Variants in CDH1 observed in about 807,000 individuals in gnomAD.
CDH1 encodes cadherin-1.
A neutral mutation model predicts 84.5 loss-of-function variants in CDH1; 35 were observed. The ratio of observed to expected loss-of-function variants is 0.41; its 90% confidence interval spans 0.32 to 0.55. The LOEUF is 0.55. CDH1 is among the 20% of genes least tolerant of loss of function. The pLI, the probability that CDH1 is intolerant of heterozygous loss-of-function variation, is 0.19. For synonymous variants in CDH1, 417 were observed against 439.0 expected, an observed-to-expected ratio of 0.95 and a Z score of 0.63; for missense variants, 994 against 1,126.6, an observed-to-expected ratio of 0.88 and a Z score of 1.68.
At chr16:68,796,256 G>C (rs1267250652) in intron 2 of CDH1, among the ~76,000 whole-genome samples, 1 of 152,172 alleles carries the variant, frequency 6.6e-6, no homozygotes, top group East Asian at 1.9e-4. Flanking sequence ...TCCATAATGT[G>C]CCCCTTTGTA....
At chr16:68,797,452 G>T (rs962463540) in intron 2 of CDH1, among the ~76,000 whole-genome samples, 1 of 152,328 alleles carries the variant, frequency 6.6e-6, no homozygotes. Flanking sequence ...GGAGGCCAAA[G>T]CGGGAAGATG....
intron 2 of CDH1, among the ~76,000 whole-genome samples, chr16:68,767,938 T>C (rs577544481): frequency 1.3e-5 from 2 of 151,618 alleles, no homozygotes; most frequent in Admixed American, 6.6e-5. Flanking sequence ...TCTAAAAATA[T>C]GTTATAAAAT....
chr16:68,800,105 C>T (rs1382939312), intron 2 of CDH1, among the ~76,000 whole-genome samples: 3 of 151,300 alleles, frequency 2.0e-5, no homozygotes, highest in Admixed American at 6.6e-5. Context: ...TTTGGAAGGC[C>T]GAGGCAGGAA....
Position 68,801,536 on chromosome 16 carries a change from T to C in CDH1, c.164-134T>C. The C allele has an allele frequency of 1.6e-5, 12 of 772,238 alleles. No individual in the cohort carries two copies. In the South Asian group the frequency reaches 1.7e-4, roughly 11 times the overall value. The allele number at this position is 772,238 out of a possible 1,614,324, so 47.8% of individuals were successfully genotyped here. A position where few individuals can be genotyped will look rare whatever the true frequency, so the allele number is the denominator to read the frequency against. On this transcript the variant is annotated intron_variant, in intron 2 of 15. Transcript: ENST00000261769. ...CATTATGGTGATAGCTTTGTTGTTC[T>C]GTCACCAGATTATGGTTTGTTTTGG...
At chr16:68,756,039 C>T (rs569331475) in intron 2 of CDH1, among the ~76,000 whole-genome samples, 2 of 152,172 alleles carry the variant, frequency 1.3e-5, no homozygotes, top group South Asian at 4.2e-4. Context: ...GCTGGGATTA[C>T]AGGCATGAAT....
chr16:68,768,740 A>G (rs1023546370), intron 2 of CDH1, among the ~76,000 whole-genome samples: 2 of 152,164 alleles, frequency 1.3e-5, no homozygotes, highest in African/African-American at 4.8e-5. Context: ...CTATCTAGAT[A>G]TCACCACCGG....
chr16:68,787,680 A>C (rs569319897), intron 2 of CDH1, among the ~76,000 whole-genome samples: 7 of 151,446 alleles, frequency 4.6e-5, no homozygotes, highest in Admixed American at 1.3e-4. Context: ...TTTTTTGGAG[A>C]TAGAGTCTTG....
chr16:68,788,023 C>T (rs1014916607), intron 2 of CDH1, among the ~76,000 whole-genome samples: 2 of 151,898 alleles, frequency 1.3e-5, no homozygotes, highest in African/African-American at 4.8e-5. Flanking sequence ...GACGAGGTTT[C>T]ACCATGTTGG....
intron 2 of CDH1, among the ~76,000 whole-genome samples, chr16:68,784,365 G>C (rs1298357509): frequency 2.6e-5 from 4 of 152,072 alleles, no homozygotes; most frequent in African/African-American, 4.8e-5. Flanking sequence ...TCTCCAGAGA[G>C]AATCTGGTCA....
At chr16:68,807,405 C>T (rs1806955114) in intron 3 of CDH1, among the ~76,000 whole-genome samples, 1 of 152,188 alleles carries the variant, frequency 6.6e-6, no homozygotes, top group Non-Finnish European at 1.5e-5. Context: ...TGCGGTGACT[C>T]ACACCTGTAA....
intron 2 of CDH1, among the ~76,000 whole-genome samples, chr16:68,758,214 T>C (rs1302095296): frequency 4.6e-3 from 558 of 121,496 alleles, no homozygotes; most frequent in Non-Finnish European, 8.1e-3. Flanking sequence ...TTTCTTTTTT[T>C]TTTTTTTTTT....
At chr16:68,785,312 C>T (rs1960015066) in intron 2 of CDH1, among the ~76,000 whole-genome samples, 1 of 152,168 alleles carries the variant, frequency 6.6e-6, no homozygotes, top group Admixed American at 6.5e-5. Context: ...CTCCCTCAGC[C>T]TCCCAAGAAG....
chr16:68,812,086 G>C (rs760020062), intron 7 of CDH1, 49 bp from the exon 8 acceptor site: 1 of 1,613,482 alleles, frequency 6.2e-7, no homozygotes, highest in Non-Finnish European at 8.5e-7. Flanking sequence ...CTAGGCCAAA[G>C]GTGGCTAGTG....
At chr16:68,757,546 C>T (rs999721375) in intron 2 of CDH1, among the ~76,000 whole-genome samples, 2 of 152,122 alleles carry the variant, frequency 1.3e-5, no homozygotes, top group African/African-American at 4.8e-5. Flanking sequence ...ATTTTACTTG[C>T]CAGATGTGAG....
intron 2 of CDH1, among the ~76,000 whole-genome samples, chr16:68,745,665 G>C (rs963670116): frequency 2.7e-5 from 3 of 112,048 alleles, no homozygotes; most frequent in Non-Finnish European, 3.9e-5. Flanking sequence ...AAGAATACCT[G>C]TCTGTTCTCC....
intron 2 of CDH1, among the ~76,000 whole-genome samples, chr16:68,769,176 A>G (rs554498524): frequency 2.0e-5 from 3 of 152,266 alleles, no homozygotes; most frequent in Non-Finnish European, 4.4e-5. Context: ...TGGGCTCAGA[A>G]TTCTGCCCAG....
intron 6 of CDH1, 114 bp from the exon 7 acceptor site, chr16:68,811,570 G>A: frequency 2.2e-6 from 2 of 906,138 alleles, no homozygotes; most frequent in African/African-American, 1.6e-5. Context: ...ACTCTGACAC[G>A]GTACCACCCC....
chr16:68,802,615 C>T (rs1306646671), intron 3 of CDH1, among the ~76,000 whole-genome samples: 9 of 151,942 alleles, frequency 5.9e-5, no homozygotes, highest in Non-Finnish European at 1.3e-4. Flanking sequence ...GGATTACAGG[C>T]GCCCGCCACC....
intron 15 of CDH1, 131 bp downstream of exon 15, chr16:68,829,928 CCT>C (rs1040128832): frequency 3.4e-6 from 3 of 883,658 alleles, no homozygotes; most frequent in African/African-American, 3.4e-5. Flanking sequence ...GCCCTGGAGC[CCT>C]GTTTTCCTTT....
Sources: allele counts gnomAD v4.1 joint callset (sites outside exome capture counted in the v4.1 genomes callset), GRCh38; gene constraint gnomAD v4.1.1; transcripts MANE v1.5; gene names NCBI Gene and HGNC (gene_info 2026-07-23, HGNC 2026-07-21).